The following ZNF445 variants were observed in gnomAD, a reference collection of about 807,000 sequenced individuals.
ZNF445 encodes the protein zinc finger protein 445, also known as zinc finger protein 168.
In ZNF445, 19 loss-of-function variants were observed where a neutral mutation model predicts 93.9. The observed-to-expected ratio is 0.20, with a 90% confidence interval of 0.14 to 0.30. The LOEUF (loss-of-function observed/expected upper bound fraction) is 0.30. Among genes scored for constraint, ZNF445 ranks in the 10% least tolerant of loss-of-function variants. The probability of loss-of-function intolerance (pLI) is 1.00; values close to 1 mark genes in which losing one functional copy is unlikely to be tolerated. For missense variants in ZNF445, 1,058 were observed against 1,259.4 expected, an observed-to-expected ratio of 0.84 and a Z score of 2.42; for synonymous variants, 449 against 446.3, an observed-to-expected ratio of 1.01 and a Z score of -0.08.
At chr3:44,461,874 C>G (rs1698118919) in intron 1 of ZNF445, among the ~76,000 whole-genome samples, 1 of 152,098 alleles carries the variant, frequency 6.6e-6, no homozygotes, top group South Asian at 2.1e-4. Context: ...AACCCCACAG[C>G]TATGGCGCAG....
At position 44,470,378 on chromosome 3, in the gene ZNF445, C is replaced by T. The variant is rs574024990; in HGVS notation, c.-269+7213G>A. Among the ~76,000 whole-genome samples the T allele has an allele frequency of 4.6e-5, 7 of 152,228 alleles. No individual in the cohort carries two copies. The East Asian group carries it at 9.7e-4, about 21-fold the overall frequency. Reference sequence around the variant, plus strand: ...AACCGTGTGTGTGTGTGACTGTATACGCATGTATGTGAATGTACCTATAAC... The same window carrying T: ...AACCGTGTGTGTGTGTGACTGTATATGCATGTATGTGAATGTACCTATAAC... On this transcript the variant is annotated intron_variant, in intron 1 of 7. Coordinates refer to ENST00000396077, the MANE Select transcript of ZNF445 (RefSeq NM_181489.6).
Position 44,447,541 on chromosome 3 carries a change from C to G in ZNF445, c.2130G>C (p.Gln710His), listed in dbSNP as rs781179182. The G allele has an allele frequency of 1.2e-6, 2 of 1,614,072 alleles. No homozygotes were observed. Among genetic ancestry groups the G allele is most frequent in the African/African-American group, 2.7e-5 (2 of 74,928 alleles). Residue 710 changes from glutamine to histidine, a missense_variant, in exon 8 of 8, where the codon CAG (glutamine) becomes CAC (histidine). Physicochemically the swap from Gln to His is conservative, Grantham distance 24. Around this residue, in one of 3 missense-constraint regions of ZNF445, gnomAD observed 387 missense variants for 475.7 expected, o/e 0.81. Coordinates refer to ENST00000396077, the MANE Select transcript of ZNF445 (RefSeq NM_181489.6). This position sits in a 1 kb window ranked among gnomAD's most constrained non-coding sequence, Gnocchi z 4.7. ...QRIHTGEKPY[Q>H]CSDCGKDFAY... ...CAAAGTCCTTCCCACAATCGCTACA[C>G]TGGTAAGGTTTCTCACCTGTGTGAA...
At chr3:44,452,883 T>C (rs1697975178) in intron 3 of ZNF445, among the ~76,000 whole-genome samples, 1 of 151,914 alleles carries the variant, frequency 6.6e-6, no homozygotes, top group Non-Finnish European at 1.5e-5. Flanking sequence ...AATAAAGTTT[T>C]AGGGACAAGT....
At position 44,440,107 on chromosome 3, in the gene ZNF445, C is replaced by T. The variant is rs1697781500; in HGVS notation, c.*6468G>A. 6.6e-6 allele frequency: 1 copy of T among 152,178 alleles called. No individual in the cohort carries two copies. Among genetic ancestry groups the T allele is most frequent in the African/African-American group, 2.4e-5 (1 of 41,412 alleles). The allele number at this position is 152,178 out of a possible 1,614,324, so 9.4% of individuals were successfully genotyped here. A position where few individuals can be genotyped will look rare whatever the true frequency, so the allele number is the denominator to read the frequency against. On this transcript the variant is annotated 3_prime_UTR_variant, in exon 8 of 8. Transcript: ENST00000396077. ...GTGGCAGCTGCTTAGCAGTTGCTAC[C>T]TCCAAGACACCTTGGCATTTTCTTC...
In ZNF445 at chr3:44,447,979, A is replaced by C; in HGVS notation, c.1692T>G (p.Ala564=). Residue 564 remains alanine, a synonymous_variant, in exon 8 of 8, where the codon GCT becomes GCG. Coordinates refer to ENST00000396077, the MANE Select transcript of ZNF445 (RefSeq NM_181489.6). The surrounding 1 kb of genome is among the most constrained non-coding windows in gnomAD (Gnocchi z 4.7). ...SAYRLHRETH[A]KKKFLELNQY... ...GATTCAATTCAAGAAATTTCTTCTTAGCATGGGTTTCTCGGTGCAGACGGT... is the reference window on the plus strand; with the variant it reads ...GATTCAATTCAAGAAATTTCTTCTTCGCATGGGTTTCTCGGTGCAGACGGT... The C allele has an allele frequency of 6.2e-7, 1 of 1,612,682 alleles. No individual in the cohort carries two copies. The highest frequency in any genetic ancestry group is 1.3e-5 in the African/African-American group (1 of 75,026).
rs1034138483 is a variant in ZNF445 at position 44,435,950 on chromosome 3, C to G, written c.*10625G>C. 1 of 152,192 alleles carries G rather than the reference C, an allele frequency of 6.6e-6. No homozygotes were observed. Among genetic ancestry groups the G allele is most frequent in the African/African-American group, 2.4e-5 (1 of 41,436 alleles). 9.4% of individuals were successfully genotyped at this position (152,192 alleles called of 1,614,324 possible). A position where few individuals can be genotyped will look rare whatever the true frequency, so the allele number is the denominator to read the frequency against. On this transcript the variant is annotated 3_prime_UTR_variant, in exon 8 of 8. Coordinates refer to ENST00000396077, the MANE Select transcript of ZNF445 (RefSeq NM_181489.6). ...AGAAAAGTCTAATTATTTGCCCTTC[C>G]CAATGCACAATCACTCTGATAAATG...
Position 44,450,705 on chromosome 3 carries a change from C to CCAG in ZNF445, c.694-135_694-133dup, listed in dbSNP as rs575049328. On this transcript the variant is annotated intron_variant, in intron 5 of 7. Coordinates refer to ENST00000396077, the MANE Select transcript of ZNF445 (RefSeq NM_181489.6). The stretch of plus-strand genomic sequence containing the variant: ...CAAAGGTGAAAGGGAAGACCATCAC[C>CCAG]CAGCAGAAGACCTCTGGGCTTGAGG... The CCAG allele has an allele frequency of 8.1e-6, 11 of 1,358,562 alleles. No individual in the cohort carries two copies. In the South Asian group the frequency reaches 1.3e-4, roughly 16 times the overall value. The allele number at this position is 1,358,562 out of a possible 1,614,324, so 84.2% of individuals were successfully genotyped here.
chr3:44,476,466 T>TGCACACACACACACGCAG (rs1698356295), intron 1 of ZNF445, among the ~76,000 whole-genome samples: 1 of 151,938 alleles, frequency 6.6e-6, no homozygotes, highest in Non-Finnish European at 1.5e-5. Context: ...CACACATGCA[T>TGCACACACACACACGCAG]GCACACACAC....
rs753105384 is a variant in ZNF445 at position 44,455,601 on chromosome 3, C to T, written c.-52G>A. On this transcript the variant is annotated 5_prime_UTR_variant, in exon 3 of 8. Transcript: ENST00000396077. ...GAGTGCGAACCAAGTCCACCTTAGA[C>T]GTGGGTCCTCAGAAGTATCTTCTCA... The T allele has an allele frequency of 9.3e-6, 14 of 1,502,106 alleles. No individual in the cohort carries two copies. The highest frequency in any genetic ancestry group is 5.4e-5 in the South Asian group (4 of 74,760). The allele number at this position is 1,502,106 out of a possible 1,614,324, so 93.0% of individuals were successfully genotyped here. A position where few individuals can be genotyped will look rare whatever the true frequency, so the allele number is the denominator to read the frequency against.
At chr3:44,475,539 C>T (rs1048553596) in intron 1 of ZNF445, among the ~76,000 whole-genome samples, 3 of 151,936 alleles carry the variant, frequency 2.0e-5, no homozygotes, top group Admixed American at 2.0e-4. Context: ...TCTTAAAAAT[C>T]GAGGACATTT....
At chr3:44,449,439 T>C in intron 7 of ZNF445, 74 bp downstream of exon 7, 1 of 1,193,738 alleles carries the variant, frequency 8.4e-7, no homozygotes, top group East Asian at 2.3e-5. Flanking sequence ...AAATTCCCAG[T>C]GATGTAACTG....
rs1253546118 is a variant in ZNF445, at chr3:44,446,643, T to C, written c.3028A>G (p.Lys1010Glu). The part of the protein sequence containing the change: ...HTRERPFKCS[K>E]CGKTFRWSSN... ...GACCACCTGAAGGTCTTTCCACACT[T>C]GCTGCATTTGAAGGGCCTCTCTCGA... is the stretch of plus-strand genomic sequence containing the variant. The change falls in exon 8 of 8, where the codon AAG becomes GAG. Residue 1010 changes from lysine (K) to glutamate (E), a missense_variant. Physicochemically the swap from Lys to Glu is moderately conservative, Grantham distance 56. Around this residue, in one of 3 missense-constraint regions of ZNF445, gnomAD observed 387 missense variants for 475.7 expected, o/e 0.81. Coordinates refer to ENST00000396077, the MANE Select transcript of ZNF445 (RefSeq NM_181489.6). The surrounding 1 kb of genome is among the most constrained non-coding windows in gnomAD (Gnocchi z 4.2). 1.2e-6 allele frequency: 2 copies of C among 1,614,234 alleles called. No individual in the cohort carries two copies. The highest frequency in any genetic ancestry group is 2.2e-5 in the South Asian group (2 of 91,086).
rs1697676843 is a variant in ZNF445, at chr3:44,436,197, TCA to T, written c.*10376_*10377del. The T allele has an allele frequency of 6.6e-6, 1 of 152,198 alleles. No homozygotes were observed. The highest frequency in any genetic ancestry group is 1.5e-5 in the Non-Finnish European group (1 of 68,020). 9.4% of individuals were successfully genotyped at this position (152,198 alleles called of 1,614,324 possible). ...TCTGGAGCTTTCCTACTTACTCGGATCAAGTAAAACTTTAGTAGGCAGCCCAT... is the reference window on the plus strand; with the variant it reads ...TCTGGAGCTTTCCTACTTACTCGGATAGTAAAACTTTAGTAGGCAGCCCAT... On this transcript the variant is annotated 3_prime_UTR_variant, in exon 8 of 8. Coordinates refer to ENST00000396077, the MANE Select transcript of ZNF445 (RefSeq NM_181489.6).
rs1236447033 is a variant in ZNF445, at chr3:44,439,432, A to G, written c.*7143T>C. The G allele has an allele frequency of 6.6e-6, 1 of 152,176 alleles. No homozygotes were observed. Among genetic ancestry groups the G allele is most frequent in the African/African-American group, 2.4e-5 (1 of 41,432 alleles). 9.4% of individuals were successfully genotyped at this position (152,176 alleles called of 1,614,324 possible). ...GAAGGCCATTACATGTTCTTCAGGC[A>G]AAAGGTGGTTAACTAACACTCAAAG... On this transcript the variant is annotated 3_prime_UTR_variant, in exon 8 of 8. Transcript: ENST00000396077.
intron 1 of ZNF445, among the ~76,000 whole-genome samples, chr3:44,464,607 T>C (rs374830400): frequency 6.6e-6 from 1 of 152,232 alleles, no homozygotes; most frequent in African/African-American, 2.4e-5. Flanking sequence ...AATTAAGATA[T>C]CAGATTTGCC....
intron 1 of ZNF445, among the ~76,000 whole-genome samples, chr3:44,466,970 T>G (rs547740846): frequency 3.3e-5 from 5 of 152,362 alleles, no homozygotes; most frequent in South Asian, 2.1e-4. Context: ...TATACATTTT[T>G]GTCATCCACA....
intron 2 of ZNF445, among the ~76,000 whole-genome samples, chr3:44,457,964 G>C (rs910418462): frequency 3.8e-5 from 5 of 130,588 alleles, no homozygotes; most frequent in African/African-American, 1.5e-4. Flanking sequence ...AGTGAGCCAA[G>C]ATCACACTAC....
At chr3:44,450,794 G>A in intron 5 of ZNF445, 74 bp downstream of exon 5, 1 of 1,357,260 alleles carries the variant, frequency 7.4e-7, no homozygotes. Context: ...AGAAACCCAG[G>A]ATGGGGAAGC....
chr3:44,441,715 A>G lies in ZNF445; in HGVS notation c.*4860T>C, dbSNP rs1697813787. On this transcript the variant is annotated 3_prime_UTR_variant, in exon 8 of 8. Coordinates refer to ENST00000396077, the MANE Select transcript of ZNF445 (RefSeq NM_181489.6). ...AAAGTACCCACCACACTACCCTGTA[A>G]AAATCTTAACATTGTGATGCCTCTG... 1 of 152,194 alleles carries G rather than the reference A, an allele frequency of 6.6e-6. No homozygotes were observed. The highest frequency in any genetic ancestry group is 2.1e-4 in the South Asian group (1 of 4,834). 9.4% of individuals were successfully genotyped at this position (152,194 alleles called of 1,614,324 possible).
Sources: gnomAD v4.1 joint callset for allele counts (sites outside exome capture counted in the v4.1 genomes callset) on GRCh38, gnomAD v4.1.1 for gene constraint, gnomAD v4.1.1 regional missense constraint, Gnocchi (gnomAD v3.1) non-coding constraint, MANE v1.5 for transcripts, NCBI Gene and HGNC (gene_info 2026-07-23, HGNC 2026-07-21) for gene names.